CYTH4: variants seen among roughly 807,000 people sequenced by gnomAD.
CYTH4 encodes the protein cytohesin-4.
Under a neutral mutation model 57.5 loss-of-function variants are expected in CYTH4, and 22 were observed. The ratio of observed to expected loss-of-function variants is 0.38; its 90% CI spans 0.27 to 0.55. The LOEUF (loss-of-function observed/expected upper bound fraction) is 0.55. CYTH4 is among the 20% of genes least tolerant of loss of function. The probability of loss-of-function intolerance (pLI) is 0.74; values close to 1 mark genes in which losing one functional copy is unlikely to be tolerated. For missense variants in CYTH4, 420 were observed against 535.6 expected (o/e 0.78, Z 2.13); for synonymous variants, 186 against 206.5 (o/e 0.90, Z 0.85).
chr22:37,285,428 A>G (rs920753400), intron 1 of CYTH4, among the ~76,000 whole-genome samples: 3 of 152,128 alleles, frequency 2.0e-5, no homozygotes, highest in South Asian at 2.1e-4. Context: ...TCTCCTGGCC[A>G]GGCATGGTGG....
chr22:37,301,622 C>CCCTGTATA (rs1265801568), intron 7 of CYTH4, among the ~76,000 whole-genome samples: 2 of 150,844 alleles, frequency 1.3e-5, no homozygotes, highest in East Asian at 3.9e-4. Flanking sequence ...CAATAACCAA[C>CCCTGTATA]CCTGTATATT....
At chr22:37,299,421 G>A (rs1023147425) in intron 6 of CYTH4, 115 bp downstream of exon 6, 1 of 937,942 alleles carries the variant, frequency 1.1e-6, no homozygotes. Context: ...GCAAAGAAGA[G>A]GAGGCAAGGA....
At chr22:37,291,904 G>A (rs1312342056) in intron 1 of CYTH4, among the ~76,000 whole-genome samples, 14 of 152,204 alleles carry the variant, frequency 9.2e-5, no homozygotes, top group Admixed American at 9.2e-4. Context: ...TTTGGAGTCA[G>A]CCCAATTCAA....
In CYTH4 at chr22:37,311,057, T is replaced by A. The variant is rs376748528; in HGVS notation, c.878T>A (p.Phe293Tyr). The change falls in exon 10 of 13, where the codon TTC becomes TAC. Residue 293 changes from phenylalanine to tyrosine, a missense_variant. Phe to Tyr is a conservative substitution (Grantham distance 22). Transcript: ENST00000248901. The surrounding 1 kb of genome is among the most constrained non-coding windows in gnomAD (Gnocchi z 4.4). ...LTDNCLYYFE[F>Y]TTDKEPRGII... ...GACAACTGCCTCTACTACTTCGAGT[T>A]CACCACTGTGAGCAGGGTTCTCCTG... The A allele has an allele frequency of 6.2e-7, 1 of 1,614,022 alleles. No homozygotes were observed. Among genetic ancestry groups the A allele is most frequent in the African/African-American group, 1.3e-5 (1 of 74,916 alleles).
chr22:37,309,396 C>A (rs1380100750), intron 9 of CYTH4, 73 bp downstream of exon 9: 2 of 1,323,878 alleles, frequency 1.5e-6, no homozygotes, highest in Non-Finnish European at 1.1e-6. Flanking sequence ...TGCATGCACA[C>A]TCCTGGACGC....
chr22:37,309,079 A>T (rs534901278), intron 8 of CYTH4, 133 bp from the exon 9 acceptor site: 1 of 693,540 alleles, frequency 1.4e-6, no homozygotes, highest in South Asian at 2.0e-5. Flanking sequence ...CCCAGGGACC[A>T]CGATAAACAG....
At chr22:37,292,778 T>G in intron 2 of CYTH4, 75 bp downstream of exon 2, 9 of 1,466,182 alleles carry the variant, frequency 6.1e-6, no homozygotes, top group Non-Finnish European at 7.5e-6. Flanking sequence ...CACCAGCTCC[T>G]GACCCAGCCT....
At position 37,314,504 on chromosome 22, in the gene CYTH4, A is replaced by C; in HGVS notation, c.*993A>C. On this transcript the variant is annotated 3_prime_UTR_variant, in exon 13 of 13. Transcript: ENST00000248901. The stretch of plus-strand genomic sequence containing the variant: ...GAGGCAGTGGCTGAGCCAGAAAGTA[A>C]CACAGAGCTCATGCTTGGAGAGAGA... 2.5e-6 allele frequency: 1 copy of C among 398,566 alleles called. No homozygotes were observed. Among genetic ancestry groups the C allele is most frequent in the Middle Eastern group, 6.3e-4 (1 of 1,588 alleles). 24.7% of individuals were successfully genotyped at this position (398,566 alleles called of 1,614,324 possible). A position where few individuals can be genotyped will look rare whatever the true frequency, so the allele number is the denominator to read the frequency against.
intron 6 of CYTH4, among the ~76,000 whole-genome samples, chr22:37,299,747 A>G (rs1322281238): frequency 6.6e-6 from 1 of 152,178 alleles, no homozygotes; most frequent in Admixed American, 6.5e-5. Context: ...TTGAAGCACA[A>G]ACTCTGGAGC....
intron 7 of CYTH4, 136 bp downstream of exon 7, chr22:37,301,155 G>A: frequency 3.0e-6 from 2 of 672,144 alleles, no homozygotes; most frequent in Admixed American, 2.8e-5. Context: ...CCCTCACTGA[G>A]CACTGACTTC....
rs942975154 is a variant in CYTH4, at chr22:37,295,146, G to A, written c.167+422G>A. ...TCACCACTAACCCCGGGCCAGCCAC[G>A]CCCACCGCCTCTGTGGAAAACTCCC... is the stretch of plus-strand genomic sequence containing the variant. On this transcript the variant is annotated intron_variant, in intron 3 of 12. Coordinates refer to ENST00000248901, the MANE Select transcript of CYTH4 (RefSeq NM_013385.5). The surrounding 1 kb of genome is among the most constrained non-coding windows in gnomAD (Gnocchi z 4.1). 6.6e-6 allele frequency among the ~76,000 whole-genome samples: 1 copy of A among 151,996 alleles called. No individual in the cohort carries two copies. The highest frequency in any genetic ancestry group is 1.9e-4 in the East Asian group (1 of 5,178).
intron 1 of CYTH4, among the ~76,000 whole-genome samples, chr22:37,289,149 C>T (rs1338192552): frequency 6.6e-6 from 1 of 152,146 alleles, no homozygotes; most frequent in African/African-American, 2.4e-5. Flanking sequence ...AGCATGCGTC[C>T]CTGTTGCTGG....
intron 1 of CYTH4, among the ~76,000 whole-genome samples, chr22:37,287,175 A>C (rs534007071): frequency 6.6e-6 from 1 of 152,244 alleles, no homozygotes; most frequent in Admixed American, 6.5e-5. Context: ...TGAAGCTCAG[A>C]GAAGGGGCTG....
At chr22:37,312,229 C>T (rs1226564891) in intron 12 of CYTH4, 55 bp downstream of exon 12, 28 of 1,596,764 alleles carry the variant, frequency 1.8e-5, no homozygotes, top group Non-Finnish European at 2.2e-5. Flanking sequence ...GAAGGCCCTG[C>T]TTCTTTTGGG....
chr22:37,291,535 C>A (rs957258495), intron 1 of CYTH4, among the ~76,000 whole-genome samples: 1 of 152,172 alleles, frequency 6.6e-6, no homozygotes, highest in Non-Finnish European at 1.5e-5. Context: ...AGTACAGGAG[C>A]GGCCTGGGCA....
rs573984986 is a variant in CYTH4, at chr22:37,308,582, G to A, written c.697-630G>A. Among the ~76,000 whole-genome samples the A allele has an allele frequency of 5.7e-3, 859 of 151,538 alleles. 8 individuals are homozygous for A. The highest frequency in any genetic ancestry group is 0.02 in the African/African-American group (824 of 41,232). ...CGTGTGTATACATGTATGTGTGAGCGTGTATATGTGTCTGAGTGTGCATGT... is the reference window on the plus strand; with the variant it reads ...CGTGTGTATACATGTATGTGTGAGCATGTATATGTGTCTGAGTGTGCATGT... On this transcript the variant is annotated intron_variant, in intron 8 of 12. Transcript: ENST00000248901.
chr22:37,303,475 G>T (rs145066880), intron 8 of CYTH4, 73 bp downstream of exon 8: 9 of 1,518,148 alleles, frequency 5.9e-6, no homozygotes, highest in Non-Finnish European at 7.9e-6. Context: ...TGGATGGCCC[G>T]GGAGGGGCTC....
At chr22:37,307,991 C>T (rs964451995) in intron 8 of CYTH4, among the ~76,000 whole-genome samples, 1 of 152,252 alleles carries the variant, frequency 6.6e-6, no homozygotes. Flanking sequence ...GTCACCAGCT[C>T]TGACTGCCAG....
At chr22:37,282,823 G>A (rs1243415685) in intron 1 of CYTH4, among the ~76,000 whole-genome samples, 1 of 152,198 alleles carries the variant, frequency 6.6e-6, no homozygotes, top group Non-Finnish European at 1.5e-5. Flanking sequence ...TGCTCTAGAT[G>A]AGGAGACCGG....
Sources: gnomAD v4.1 joint callset for allele counts (sites outside exome capture counted in the v4.1 genomes callset) on GRCh38, gnomAD v4.1.1 for gene constraint, Gnocchi (gnomAD v3.1) non-coding constraint, MANE v1.5 for transcripts, NCBI Gene and HGNC (gene_info 2026-07-23, HGNC 2026-07-21) for gene names.